The following XPO1 variants were observed in gnomAD, a reference collection of about 807,000 sequenced individuals.
XPO1 encodes exportin 1, also known as exportin-1.
In XPO1, 5 loss-of-function variants were observed where a neutral mutation model predicts 133.3. The observed-to-expected ratio is 0.04, with a 90% confidence interval of 0.02 to 0.08. XPO1 has a LOEUF of 0.08. XPO1 is among the 10% of genes least tolerant of loss of function. XPO1 has a pLI of 1.00. For synonymous variants in XPO1, 419 were observed against 408.2 expected (o/e 1.03, Z -0.32); for missense variants, 506 against 1,267.5 (o/e 0.40, Z 9.12).
chr2:61,523,069 TA>T (rs1227645908), intron 3 of XPO1, among the ~76,000 whole-genome samples: 1 of 152,204 alleles, frequency 6.6e-6, no homozygotes, highest in Non-Finnish European at 1.5e-5. Flanking sequence ...CCTAAGAATT[TA>T]GCAGCTTGGA....
intron 4 of XPO1, among the ~76,000 whole-genome samples, chr2:61,519,713 AAAAAAAAAAAC>A (rs1698593982): frequency 6.6e-6 from 1 of 151,108 alleles, no homozygotes; most frequent in Non-Finnish European, 1.5e-5. Context: ...AAAAAAAAAA[AAAAAAAAAAAC>A]ACCACGTAAA....
chr2:61,525,547 G>C (rs1698876242), intron 3 of XPO1: 1 of 1,013,102 alleles, frequency 9.9e-7, no homozygotes, highest in Non-Finnish European at 1.2e-6. Context: ...ACAAATTTGA[G>C]TTTTTAAAAA....
intron 6 of XPO1, among the ~76,000 whole-genome samples, chr2:61,500,993 A>G (rs1435597291): frequency 2.0e-5 from 3 of 152,206 alleles, no homozygotes; most frequent in South Asian, 2.1e-4. Context: ...CAAAAGCCTC[A>G]TGAACTGCAT....
chr2:61,529,160 C>G (rs1699045206), intron 2 of XPO1, among the ~76,000 whole-genome samples: 2 of 152,088 alleles, frequency 1.3e-5, no homozygotes. Context: ...GTGCTCCAGC[C>G]TGTGTGACAG....
chr2:61,514,994 G>A (rs764513713), intron 4 of XPO1, among the ~76,000 whole-genome samples: 20 of 150,792 alleles, frequency 1.3e-4, no homozygotes, highest in Non-Finnish European at 2.1e-4. Flanking sequence ...GCTTGAACCC[G>A]AGAGCCAGAG....
At chr2:61,496,792 C>T (rs555920402) in intron 10 of XPO1, 87 bp downstream of exon 10, 49 of 1,293,042 alleles carry the variant, frequency 3.8e-5, no homozygotes, top group Middle Eastern at 2.1e-4. Context: ...ATCTTTGATA[C>T]GTCGTTCTAA....
At chr2:61,525,889 A>G (rs767358775) in intron 3 of XPO1, 58 of 1,047,260 alleles carry the variant, frequency 5.5e-5, no homozygotes, top group Non-Finnish European at 6.7e-5. Context: ...AGCGTGAATC[A>G]TCAAGCCTAA....
At position 61,478,057 on chromosome 2, in the gene XPO1, GT is replaced by G. The variant is rs1385443810; in HGVS notation, c.*762del. On this transcript the variant is annotated 3_prime_UTR_variant, in exon 25 of 25. Coordinates refer to ENST00000401558, the MANE Select transcript of XPO1 (RefSeq NM_003400.4). The stretch of plus-strand genomic sequence containing the variant: ...GAGTTGTTTTGTTTTTTAATGAGTT[GT>G]TAAAAAGATGCAGCCTATTCTAACA... The G allele has an allele frequency of 9.2e-5, 18 of 194,652 alleles. No homozygotes were observed. The highest frequency in any genetic ancestry group is 9.2e-4 in the Admixed American group (15 of 16,358). 12.1% of individuals were successfully genotyped at this position (194,652 alleles called of 1,614,324 possible).
At chr2:61,522,103 C>CT (rs1698724713) in intron 4 of XPO1, among the ~76,000 whole-genome samples, 1 of 151,776 alleles carries the variant, frequency 6.6e-6, no homozygotes. Flanking sequence ...GGGTCTCACT[C>CT]TTGTCACCCA....
At chr2:61,511,671 T>C (rs2088672113) in intron 4 of XPO1, among the ~76,000 whole-genome samples, 2 of 152,234 alleles carry the variant, frequency 1.3e-5, no homozygotes, top group Admixed American at 6.5e-5. Context: ...ACTGCTGGGA[T>C]TGCAGGCCTC....
intron 2 of XPO1, among the ~76,000 whole-genome samples, chr2:61,529,806 C>T (rs1471849752): frequency 1.3e-5 from 2 of 152,194 alleles, no homozygotes; most frequent in African/African-American, 4.8e-5. Flanking sequence ...CACACTGCTA[C>T]ACACTCAATA....
chr2:61,511,074 T>C (rs1698073490), intron 4 of XPO1, among the ~76,000 whole-genome samples: 1 of 151,734 alleles, frequency 6.6e-6, no homozygotes. Flanking sequence ...TAACCAGAAA[T>C]GGAAATACTA....
chr2:61,505,217 T>A (rs762090339), intron 4 of XPO1, among the ~76,000 whole-genome samples: 1 of 152,072 alleles, frequency 6.6e-6, no homozygotes, highest in Non-Finnish European at 1.5e-5. Context: ...GGCCTTGAAC[T>A]CCAAACCTCA....
chr2:61,535,385 T>G (rs938821243), intron 1 of XPO1, among the ~76,000 whole-genome samples: 1 of 151,994 alleles, frequency 6.6e-6, no homozygotes, highest in Non-Finnish European at 1.5e-5. Flanking sequence ...TTAGTGTATT[T>G]AGAACTAACA....
In XPO1 at chr2:61,502,329, G is replaced by GTT; in HGVS notation, c.302-20_302-19insAA. The stretch of plus-strand genomic sequence containing the variant: ...TTTATTCCTATTAAAAAAATTGCAC[G>GTT]TAATAAAAAAATTGTTGAGCTCTTT... On this transcript the variant is annotated intron_variant, in intron 4 of 24. Transcript: ENST00000401558. The GTT allele has an allele frequency of 6.2e-7, 1 of 1,603,304 alleles. No homozygotes were observed. Among genetic ancestry groups the GTT allele is most frequent in the Non-Finnish European group, 8.5e-7 (1 of 1,176,610 alleles).
chr2:61,524,958 A>T (rs1249019937), intron 3 of XPO1, among the ~76,000 whole-genome samples: 1 of 152,076 alleles, frequency 6.6e-6, no homozygotes, highest in Non-Finnish European at 1.5e-5. Context: ...TTTTGCTCAA[A>T]AATCTGAAGT....
At chr2:61,506,458 G>A (rs1235306357) in intron 4 of XPO1, among the ~76,000 whole-genome samples, 2 of 151,632 alleles carry the variant, frequency 1.3e-5, no homozygotes, top group Non-Finnish European at 2.9e-5. Flanking sequence ...TGTAGGCCAG[G>A]AGCAGTGGCT....
At chr2:61,533,422 A>G (rs913316450) in intron 2 of XPO1, among the ~76,000 whole-genome samples, 2 of 152,222 alleles carry the variant, frequency 1.3e-5, no homozygotes, top group South Asian at 2.1e-4. Context: ...TTAAACAAAC[A>G]TATCTGTGAA....
chr2:61,491,496 A>ACACACACACACACACACACC (rs1491477036), intron 16 of XPO1, among the ~76,000 whole-genome samples: 1 of 147,250 alleles, frequency 6.8e-6, no homozygotes, highest in African/African-American at 2.6e-5. Flanking sequence ...ACACACACAC[A>ACACACACACACACACACACC]CCCCAAAACA....
Sources: allele counts gnomAD v4.1 joint callset (sites outside exome capture counted in the v4.1 genomes callset), GRCh38; gene constraint gnomAD v4.1.1; transcripts MANE v1.5; gene names NCBI Gene and HGNC (gene_info 2026-07-23, HGNC 2026-07-21).